Variants in FMN2 observed in about 807,000 individuals in gnomAD.
FMN2 encodes the protein formin-2.
A neutral mutation model predicts 142.3 loss-of-function variants in FMN2; 51 were observed. That is an observed-to-expected ratio of 0.36 (90% confidence interval 0.29 to 0.45). The LOEUF (loss-of-function observed/expected upper bound fraction) is 0.45. Ranked by LOEUF, FMN2 falls within the 20% of genes least tolerant of loss-of-function variation. The pLI, the probability that FMN2 is intolerant of heterozygous loss-of-function variation, is 1.00. For missense variants in FMN2, 1,936 were observed against 2,122.8 expected (o/e 0.91, Z 1.73); for synonymous variants, 882 against 869.8 (o/e 1.01, Z -0.25).
chr1:240,470,628 C>T (rs1362234138), intron 16 of FMN2, among the ~76,000 whole-genome samples: 1 of 151,988 alleles, frequency 6.6e-6, no homozygotes, highest in African/African-American at 2.4e-5. Flanking sequence ...AGATTTTTTG[C>T]CACAGGGATC....
chr1:240,099,541 G>A (rs1446475140), intron 1 of FMN2, among the ~76,000 whole-genome samples: 1 of 152,052 alleles, frequency 6.6e-6, no homozygotes, highest in Non-Finnish European at 1.5e-5. Context: ...GCATCTGGCT[G>A]CAAACCCCTG....
At chr1:240,301,276 A>G (rs941658547) in intron 8 of FMN2, among the ~76,000 whole-genome samples, 2 of 151,638 alleles carry the variant, frequency 1.3e-5, no homozygotes, top group Admixed American at 1.3e-4. Context: ...TAGAATTTTC[A>G]TATAAAATAT....
At chr1:240,168,450 A>G (rs76057721) in intron 2 of FMN2, among the ~76,000 whole-genome samples, 3,131 of 152,212 alleles carry the variant, frequency 0.021, 112 homozygotes, top group African/African-American at 0.072. Flanking sequence ...AAAGCTAGGC[A>G]TCATGGTACT....
intron 15 of FMN2, among the ~76,000 whole-genome samples, chr1:240,393,178 T>C (rs1234136178): frequency 6.6e-6 from 1 of 152,136 alleles, no homozygotes; most frequent in Non-Finnish European, 1.5e-5. Context: ...TGTATTTTTT[T>C]TTTTTCACAA....
chr1:240,332,501 T>C (rs1671413859), intron 11 of FMN2, among the ~76,000 whole-genome samples: 1 of 152,154 alleles, frequency 6.6e-6, no homozygotes, highest in Non-Finnish European at 1.5e-5. Flanking sequence ...ATTTAAATTA[T>C]AGAAATGAAC....
At chr1:240,244,368 A>G (rs1438883636) in intron 6 of FMN2, among the ~76,000 whole-genome samples, 1 of 152,234 alleles carries the variant, frequency 6.6e-6, no homozygotes, top group African/African-American at 2.4e-5. Context: ...AGAAACTTCA[A>G]GTTATCTCTA....
At chr1:240,203,272 A>C (rs7543374) in intron 4 of FMN2, among the ~76,000 whole-genome samples, 93,696 of 151,462 alleles carry the variant, frequency 0.62, 29,525 homozygotes, top group Middle Eastern at 0.71. Context: ...AGACCTAGGA[A>C]CAGAAATAGC....
intron 14 of FMN2, among the ~76,000 whole-genome samples, chr1:240,381,285 A>C (rs1673218860): frequency 6.6e-6 from 1 of 152,188 alleles, no homozygotes; most frequent in South Asian, 2.1e-4. Flanking sequence ...AAATACTAGC[A>C]AACCAAATCC....
At chr1:240,149,986 A>C (rs1663696081) in intron 2 of FMN2, among the ~76,000 whole-genome samples, 1 of 152,198 alleles carries the variant, frequency 6.6e-6, no homozygotes, top group Non-Finnish European at 1.5e-5. Context: ...ACAATCTGAT[A>C]TGTATAAATG....
chr1:240,364,139 G>A (rs546264808), intron 14 of FMN2, among the ~76,000 whole-genome samples: 8 of 152,136 alleles, frequency 5.3e-5, no homozygotes, highest in African/African-American at 1.2e-4. Flanking sequence ...CTCATTTTAC[G>A]ATGAGGAAAC....
intron 15 of FMN2, among the ~76,000 whole-genome samples, chr1:240,427,156 A>G (rs994568220): frequency 1.4e-5 from 2 of 147,598 alleles, no homozygotes; most frequent in Non-Finnish European, 3.0e-5. Context: ...TAGTTCATGT[A>G]TGTTACAACT....
intron 2 of FMN2, among the ~76,000 whole-genome samples, chr1:240,131,527 G>T (rs757493609): frequency 6.6e-6 from 1 of 152,028 alleles, no homozygotes; most frequent in Admixed American, 6.6e-5. Flanking sequence ...TGACCAACAT[G>T]GTGAAACCCC....
chr1:240,468,066 A>G (rs534423450), intron 16 of FMN2, among the ~76,000 whole-genome samples: 4 of 152,274 alleles, frequency 2.6e-5, no homozygotes, highest in Non-Finnish European at 5.9e-5. Flanking sequence ...AGAAGTTGCA[A>G]CTGTTAAAAT....
chr1:240,270,624 A>C (rs1668968323), intron 7 of FMN2, among the ~76,000 whole-genome samples: 2 of 151,054 alleles, frequency 1.3e-5, no homozygotes, highest in African/African-American at 4.8e-5. Flanking sequence ...TTGCATTAAA[A>C]TATATAATAT....
At chr1:240,218,112 A>G (rs1334146667) in intron 6 of FMN2, among the ~76,000 whole-genome samples, 1 of 151,860 alleles carries the variant, frequency 6.6e-6, no homozygotes, top group Non-Finnish European at 1.5e-5. Context: ...GTGAAACCCC[A>G]TCTCTACTAA....
chr1:240,353,051 T>G (rs1478207684), intron 13 of FMN2, among the ~76,000 whole-genome samples: 1 of 152,192 alleles, frequency 6.6e-6, no homozygotes, highest in Non-Finnish European at 1.5e-5. Context: ...TCTCTCTAAC[T>G]TCTACTCATG....
chr1:240,333,459 T>G (rs7530215), intron 11 of FMN2, among the ~76,000 whole-genome samples: 59,049 of 152,086 alleles, frequency 0.39, 12,155 homozygotes, highest in African/African-American at 0.53. Context: ...CTAATGAGCC[T>G]CAATCAAACT....
intron 15 of FMN2, among the ~76,000 whole-genome samples, chr1:240,407,140 C>CTT (rs1166811997): frequency 2.2e-4 from 31 of 142,164 alleles, no homozygotes; most frequent in Admixed American, 4.2e-4. Flanking sequence ...AGCTACAATA[C>CTT]TTTTTTTTTT....
chr1:240,356,018 G>C, intron 14 of FMN2, 110 bp downstream of exon 14: 1 of 653,840 alleles, frequency 1.5e-6, no homozygotes, highest in Non-Finnish European at 2.4e-6. Flanking sequence ...AATACATATT[G>C]CTTTAAAAGG....
Sources: gnomAD v4.1 joint callset for allele counts (sites outside exome capture counted in the v4.1 genomes callset) on GRCh38, gnomAD v4.1.1 for gene constraint, MANE v1.5 for transcripts, NCBI Gene and HGNC (gene_info 2026-07-23, HGNC 2026-07-21) for gene names.